PAPPA2: variants seen among roughly 807,000 people sequenced by gnomAD.
The protein encoded by PAPPA2 is pappalysin 2.
Under a neutral mutation model 176.4 loss-of-function variants are expected in PAPPA2, and 86 were observed. The ratio of observed to expected loss-of-function variants is 0.49; its 90% CI spans 0.41 to 0.58. PAPPA2 has a LOEUF of 0.58. Among genes scored for constraint, PAPPA2 ranks in the 20% least tolerant of loss-of-function variants. The pLI, the probability that PAPPA2 is intolerant of heterozygous loss-of-function variation, is 0.00. For synonymous variants in PAPPA2, 809 were observed against 852.2 expected, an observed-to-expected ratio of 0.95 and a Z score of 0.88; for missense variants, 2,073 against 2,256.9, an observed-to-expected ratio of 0.92 and a Z score of 1.65.
intron 3 of PAPPA2, among the ~76,000 whole-genome samples, chr1:176,606,466 AGAT>A (rs560943792): frequency 4.3e-4 from 66 of 152,244 alleles, no homozygotes; most frequent in Admixed American, 3.1e-3. Flanking sequence ...TTTATAGAAG[AGAT>A]GAGTTTCTTT....
At chr1:176,824,878 T>C (rs1321849035) in intron 21 of PAPPA2, among the ~76,000 whole-genome samples, 2 of 152,200 alleles carry the variant, frequency 1.3e-5, no homozygotes, top group African/African-American at 4.8e-5. Context: ...TCTGAAATGC[T>C]GTTAGGGTCT....
At chr1:176,482,371 T>C (rs901006136) in intron 1 of PAPPA2, among the ~76,000 whole-genome samples, 10 of 152,250 alleles carry the variant, frequency 6.6e-5, no homozygotes, top group African/African-American at 2.4e-4. Context: ...ACCTGTCTTA[T>C]AGATTCAACT....
chr1:176,558,453 C>T lies in PAPPA2; in HGVS notation c.919+1212C>T, dbSNP rs894983878. Among the ~76,000 whole-genome samples the T allele has an allele frequency of 3.9e-5, 6 of 152,168 alleles. 1 individual carries two copies. The highest frequency in any genetic ancestry group is 1.4e-4 in the African/African-American group (6 of 41,434). Reference sequence around the variant, plus strand: ...TTTCAAGGGGGTGTTGCTGGAACATCCCTTCCGGACACTCTGTCTCCCCCT... The same window carrying T: ...TTTCAAGGGGGTGTTGCTGGAACATTCCTTCCGGACACTCTGTCTCCCCCT... On this transcript the variant is annotated intron_variant, in intron 2 of 22. Transcript: ENST00000367662.
intron 1 of PAPPA2, among the ~76,000 whole-genome samples, chr1:176,521,991 C>G (rs1218261685): frequency 6.6e-6 from 1 of 152,078 alleles, no homozygotes; most frequent in Non-Finnish European, 1.5e-5. Flanking sequence ...CTTGCACATC[C>G]TGTGGAAGAC....
At chr1:176,768,624 G>A (rs572980520) in intron 15 of PAPPA2, among the ~76,000 whole-genome samples, 4 of 151,600 alleles carry the variant, frequency 2.6e-5, no homozygotes, top group African/African-American at 4.9e-5. Context: ...TTTTTGAACC[G>A]TTGTTTCAAC....
intron 6 of PAPPA2, among the ~76,000 whole-genome samples, chr1:176,692,907 C>G (rs938722642): frequency 3.3e-5 from 5 of 152,144 alleles, no homozygotes; most frequent in African/African-American, 9.7e-5. Context: ...CTGGGGGAGG[C>G]AGGATGATTT....
At chr1:176,770,193 G>A (rs1452622031) in intron 16 of PAPPA2, among the ~76,000 whole-genome samples, 2 of 152,162 alleles carry the variant, frequency 1.3e-5, no homozygotes, top group Admixed American at 6.6e-5. Flanking sequence ...AGATGAAGAT[G>A]GAGTGGAGCC....
intron 1 of PAPPA2, among the ~76,000 whole-genome samples, chr1:176,492,199 C>G (rs567334874): frequency 4.4e-4 from 67 of 152,228 alleles, no homozygotes; most frequent in Non-Finnish European, 8.2e-4. Context: ...CTCCCTTGCA[C>G]AGCCATGCAC....
At chr1:176,550,877 G>T (rs1481654904) in intron 1 of PAPPA2, among the ~76,000 whole-genome samples, 1 of 152,144 alleles carries the variant, frequency 6.6e-6, no homozygotes, top group Admixed American at 6.5e-5. Flanking sequence ...CAACATATAT[G>T]CCCTGGGCAT....
In PAPPA2 at chr1:176,789,956, C is replaced by T. The variant is rs1665104633; in HGVS notation, c.4863C>T (p.Asn1621=). Residue 1621 remains asparagine, a synonymous_variant, in exon 18 of 23, where the codon AAC becomes AAT. Transcript: ENST00000367662. ...GFSLDSQCVL[N]CNQEREKLPI... ...GCCTGGACAGCCAGTGTGTGCTCAA[C>T]TGTAACCAGGAACGTGAAAAGGTAA... is the stretch of plus-strand genomic sequence containing the variant. 1 of 1,613,970 alleles carries T rather than the reference C, an allele frequency of 6.2e-7. No homozygotes were observed. The highest frequency in any genetic ancestry group is 8.5e-7 in the Non-Finnish European group (1 of 1,179,986).
At chr1:176,808,408 A>G (rs1028849028) in intron 21 of PAPPA2, among the ~76,000 whole-genome samples, 1 of 152,222 alleles carries the variant, frequency 6.6e-6, no homozygotes, top group African/African-American at 2.4e-5. Flanking sequence ...GAGAAAAGGA[A>G]TCATCTTCCA....
At chr1:176,643,253 C>T (rs1283826365) in intron 3 of PAPPA2, among the ~76,000 whole-genome samples, 2 of 151,800 alleles carry the variant, frequency 1.3e-5, no homozygotes, top group Admixed American at 6.6e-5. Context: ...AATGGCAGAG[C>T]TGGACTGTAA....
intron 4 of PAPPA2, among the ~76,000 whole-genome samples, chr1:176,683,202 A>G (rs750700342): frequency 2.0e-5 from 3 of 152,078 alleles, no homozygotes; most frequent in Non-Finnish European, 4.4e-5. Flanking sequence ...TCATCTTCTA[A>G]TTAGCAGATT....
intron 21 of PAPPA2, among the ~76,000 whole-genome samples, chr1:176,835,268 T>C (rs566492029): frequency 2.5e-4 from 38 of 152,330 alleles, no homozygotes; most frequent in Non-Finnish European, 4.7e-4. Flanking sequence ...CAGTTCACCT[T>C]TTTAAGGCTT....
Position 176,576,793 on chromosome 1 carries a change from C to A in PAPPA2, c.920-17731C>A, listed in dbSNP as rs572980125. Among the ~76,000 whole-genome samples the A allele has an allele frequency of 3.3e-5, 5 of 152,306 alleles. No homozygotes were observed. The East Asian group carries it at 9.7e-4, about 29-fold the overall frequency. ...ATTCAGATCCCTGGGTTGTTCATAT[C>A]CACAGTAAAATCTGAGAAGCTCCAG... On this transcript the variant is annotated intron_variant, in intron 2 of 22. Transcript: ENST00000367662.
intron 21 of PAPPA2, among the ~76,000 whole-genome samples, chr1:176,801,719 AG>A (rs1665692256): frequency 6.6e-6 from 1 of 152,072 alleles, no homozygotes; most frequent in Non-Finnish European, 1.5e-5. Context: ...AACAGATCAA[AG>A]GGATCCTGAG....
intron 3 of PAPPA2, among the ~76,000 whole-genome samples, chr1:176,635,187 A>G (rs1365147783): frequency 6.6e-6 from 1 of 152,202 alleles, no homozygotes; most frequent in Non-Finnish European, 1.5e-5. Context: ...ATCCAGTTAG[A>G]AAAGCATTTT....
Position 176,556,102 on chromosome 1 carries a change from A to T in PAPPA2, c.-221A>T. On this transcript the variant is annotated 5_prime_UTR_variant, in exon 2 of 23. Coordinates refer to ENST00000367662, the MANE Select transcript of PAPPA2 (RefSeq NM_020318.3). ...GTCAAGCGAGAAGCGTGCGGGAAGC[A>T]CATGCCCTGGGGAGGCATAGAAGCC... The T allele has an allele frequency of 1.7e-6, 1 of 581,498 alleles. No homozygotes were observed. The allele number at this position is 581,498 out of a possible 1,614,324, so 36.0% of individuals were successfully genotyped here. A position where few individuals can be genotyped will look rare whatever the true frequency, so the allele number is the denominator to read the frequency against.
intron 9 of PAPPA2, among the ~76,000 whole-genome samples, chr1:176,703,607 A>G (rs1485617670): frequency 6.6e-6 from 1 of 152,224 alleles, no homozygotes. Context: ...TATATCGTAT[A>G]TTGAAGCCCT....
Sources: gnomAD v4.1 joint callset for allele counts (sites outside exome capture counted in the v4.1 genomes callset) on GRCh38, gnomAD v4.1.1 for gene constraint, MANE v1.5 for transcripts, NCBI Gene and HGNC (gene_info 2026-07-23, HGNC 2026-07-21) for gene names.